The following TP63 variants were observed in gnomAD, a reference collection of about 807,000 sequenced individuals.
TP63 encodes tumor protein p63.
In TP63, 17 loss-of-function variants were observed where a neutral mutation model predicts 82.8. The ratio of observed to expected loss-of-function variants is 0.21; its 90% CI spans 0.14 to 0.31. The LOEUF (loss-of-function observed/expected upper bound fraction) is 0.31, where lower values mean the gene tolerates loss of function less well. Among genes scored for constraint, TP63 ranks in the 10% least tolerant of loss-of-function variants. The pLI, the probability that TP63 is intolerant of heterozygous loss-of-function variation, is 1.00. For synonymous variants in TP63, 330 were observed against 321.7 expected (o/e 1.03, Z -0.28); for missense variants, 648 against 895.3 (o/e 0.72, Z 3.52).
intron 3 of TP63, among the ~76,000 whole-genome samples, chr3:189,748,228 T>C (rs1450400207): frequency 6.6e-6 from 1 of 151,982 alleles, no homozygotes; most frequent in East Asian, 1.9e-4. Context: ...ATAAAAGGCA[T>C]GCAGACTGGA....
intron 4 of TP63, chr3:189,844,172 T>A (rs1577085863): frequency 2.7e-6 from 1 of 372,858 alleles, no homozygotes; most frequent in East Asian, 8.2e-5. Flanking sequence ...TTTTCCTTTT[T>A]CTTTTTTTTT....
intron 1 of TP63, among the ~76,000 whole-genome samples, chr3:189,708,029 G>A (rs940851705): frequency 6.6e-6 from 1 of 152,012 alleles, no homozygotes; most frequent in Non-Finnish European, 1.5e-5. Context: ...TCGTTCCATT[G>A]CCTTTTATTC....
intron 4 of TP63, among the ~76,000 whole-genome samples, chr3:189,860,926 G>C (rs1716955121): frequency 6.6e-6 from 1 of 152,112 alleles, no homozygotes; most frequent in African/African-American, 2.4e-5. Context: ...GGTGAGGTTT[G>C]GGTTTCTAGT....
At chr3:189,856,916 A>C (rs1433441129) in intron 4 of TP63, among the ~76,000 whole-genome samples, 1 of 152,106 alleles carries the variant, frequency 6.6e-6, no homozygotes, top group East Asian at 1.9e-4. Flanking sequence ...TCATGGTTTA[A>C]AAGACACCAC....
At chr3:189,677,637 G>A (rs1715559126) in intron 1 of TP63, among the ~76,000 whole-genome samples, 1 of 151,608 alleles carries the variant, frequency 6.6e-6, no homozygotes, top group Admixed American at 6.6e-5. Flanking sequence ...TGGATTTAAT[G>A]GTAGTTCTAT....
At chr3:189,788,593 G>A (rs1576956718) in intron 3 of TP63, among the ~76,000 whole-genome samples, 2 of 151,830 alleles carry the variant, frequency 1.3e-5, no homozygotes, top group Non-Finnish European at 2.9e-5. Flanking sequence ...GGGTGGGGGT[G>A]TAGGATGATG....
At chr3:189,859,431 A>T (rs899234677) in intron 4 of TP63, among the ~76,000 whole-genome samples, 2 of 152,174 alleles carry the variant, frequency 1.3e-5, no homozygotes, top group African/African-American at 4.8e-5. Flanking sequence ...ATTATATATA[A>T]ATATGAATGA....
At chr3:189,644,914 T>A (rs1478548888) in intron 1 of TP63, among the ~76,000 whole-genome samples, 2 of 63,406 alleles carry the variant, frequency 3.2e-5, no homozygotes, top group African/African-American at 1.0e-4. Context: ...CACATTTTCT[T>A]TTTTTTTTTT....
At chr3:189,813,406 G>T (rs189517472) in intron 4 of TP63, among the ~76,000 whole-genome samples, 2 of 152,182 alleles carry the variant, frequency 1.3e-5, no homozygotes, top group East Asian at 3.9e-4. Flanking sequence ...GAGAGTCCTG[G>T]TAAGGAACCC....
intron 1 of TP63, among the ~76,000 whole-genome samples, chr3:189,679,998 C>T (rs1333579430): frequency 6.6e-6 from 1 of 152,068 alleles, no homozygotes; most frequent in African/African-American, 2.4e-5. Context: ...ATGACAGTAC[C>T]ACACTGTCTT....
chr3:189,784,498 G>A (rs753873367), intron 3 of TP63, among the ~76,000 whole-genome samples: 3 of 152,042 alleles, frequency 2.0e-5, no homozygotes, highest in Non-Finnish European at 2.9e-5. Flanking sequence ...CAATAACAAT[G>A]AACATAGTAT....
the TP63 span, among the ~76,000 whole-genome samples, chr3:189,609,046 T>C: frequency 6.6e-6 from 1 of 152,190 alleles, no homozygotes; most frequent in Non-Finnish European, 1.5e-5. Context: ...CTAATTGAGA[T>C]ACCTCCAGAC....
chr3:189,833,877 G>C (rs981712860), intron 4 of TP63, among the ~76,000 whole-genome samples: 1 of 152,114 alleles, frequency 6.6e-6, no homozygotes, highest in Non-Finnish European at 1.5e-5. Flanking sequence ...TCTGCCATTT[G>C]TCTTTACATG....
chr3:189,624,319 C>T, the TP63 span, among the ~76,000 whole-genome samples: 1 of 152,044 alleles, frequency 6.6e-6, no homozygotes, highest in African/African-American at 2.4e-5. Flanking sequence ...CTGTCACCCC[C>T]ACCCCCATAA....
At chr3:189,729,601 C>T (rs4591486) in intron 1 of TP63, among the ~76,000 whole-genome samples, 1 of 151,976 alleles carries the variant, frequency 6.6e-6, no homozygotes, top group Non-Finnish European at 1.5e-5. Flanking sequence ...AAGGCATACA[C>T]AATGCTCTAA....
chr3:189,666,771 G>T lies in TP63; in HGVS notation c.62+35194G>T, dbSNP rs1714424257. Among the ~76,000 whole-genome samples, 3 of 152,158 alleles carry T rather than the reference G, an allele frequency of 2.0e-5. No homozygotes were observed. In the South Asian group the frequency reaches 6.2e-4, roughly 32 times the overall value. On this transcript the variant is annotated intron_variant, in intron 1 of 13. Coordinates refer to ENST00000264731, the MANE Select transcript of TP63 (RefSeq NM_003722.5). ...ATTCATTCTCCTAAATTCAAGCTTA[G>T]TGTATATGGGTAGTTCTCAAGTAAC...
chr3:189,830,140 A>G (rs1403656059), intron 4 of TP63: 1 of 169,344 alleles, frequency 5.9e-6, no homozygotes, highest in Non-Finnish European at 1.4e-5. Context: ...TGGTTATAGA[A>G]ACACAGTTCA....
intron 1 of TP63, among the ~76,000 whole-genome samples, chr3:189,710,819 T>C (rs1718540272): frequency 6.6e-6 from 1 of 152,170 alleles, no homozygotes; most frequent in African/African-American, 2.4e-5. Flanking sequence ...CCTCCTGCTC[T>C]TCTTACACAG....
intron 4 of TP63, among the ~76,000 whole-genome samples, chr3:189,855,176 A>C (rs1453521048): frequency 6.6e-6 from 1 of 152,236 alleles, no homozygotes; most frequent in Admixed American, 6.5e-5. Flanking sequence ...TGATACGAGC[A>C]GAAGAAACAA....
Sources: gnomAD v4.1 joint callset for allele counts (sites outside exome capture counted in the v4.1 genomes callset) on GRCh38, gnomAD v4.1.1 for gene constraint, MANE v1.5 for transcripts, NCBI Gene and HGNC (gene_info 2026-07-23, HGNC 2026-07-21) for gene names.